ZBTB20: variants seen among roughly 807,000 people sequenced by gnomAD.
ZBTB20 encodes the protein zinc finger and BTB domain-containing protein 20.
ZBTB20 carries 9 observed loss-of-function variants against 56.9 expected under a neutral mutation model. That is an observed-to-expected ratio of 0.16 (90% CI 0.10 to 0.28). ZBTB20 has a LOEUF of 0.28. ZBTB20 is among the 10% of genes least tolerant of loss of function. The pLI is 1.00. For missense variants in ZBTB20, 655 were observed against 1,003.0 expected (o/e 0.65, Z 4.69); for synonymous variants, 417 against 420.7 (o/e 0.99, Z 0.11).
At chr3:114,372,010 G>A (rs1163054917) in intron 10 of ZBTB20, among the ~76,000 whole-genome samples, 1 of 151,928 alleles carries the variant, frequency 6.6e-6, no homozygotes, top group Admixed American at 6.5e-5. Context: ...GGAAAGATCC[G>A]ACTTGAAATT....
chr3:114,448,596 C>T (rs954300352), intron 7 of ZBTB20, among the ~76,000 whole-genome samples: 4 of 151,974 alleles, frequency 2.6e-5, no homozygotes, highest in Non-Finnish European at 5.9e-5. Flanking sequence ...AAAAGATGGC[C>T]ATACTCTTTC....
At chr3:114,745,183 C>G (rs1337744054) in intron 5 of ZBTB20, among the ~76,000 whole-genome samples, 2 of 152,106 alleles carry the variant, frequency 1.3e-5, no homozygotes, top group African/African-American at 2.4e-5. Flanking sequence ...AGTAGGATTT[C>G]GTTGTTTGTT....
intron 4 of ZBTB20, chr3:114,874,134 TTC>T (rs2076108437): frequency 6.6e-6 from 1 of 152,162 alleles, no homozygotes; most frequent in Non-Finnish European, 1.5e-5. Context: ...TAAATAAATA[TTC>T]TGTCAGGTTA....
intron 1 of ZBTB20, among the ~76,000 whole-genome samples, chr3:115,122,676 A>G (rs2084216854): frequency 6.6e-6 from 1 of 152,084 alleles, no homozygotes; most frequent in Non-Finnish European, 1.5e-5. Context: ...AAGACTTTCT[A>G]TATATTAATC....
chr3:114,350,221 C>T, intron 11 of ZBTB20, 53 bp downstream of exon 11: 2 of 1,542,372 alleles, frequency 1.3e-6, no homozygotes, highest in Non-Finnish European at 1.8e-6. Flanking sequence ...ACCTTGCCTT[C>T]CCACAGCCCC....
At chr3:114,588,908 C>A (rs1180573837) in intron 6 of ZBTB20, among the ~76,000 whole-genome samples, 1 of 152,100 alleles carries the variant, frequency 6.6e-6, no homozygotes, top group Non-Finnish European at 1.5e-5. Flanking sequence ...GCTGGGGAAG[C>A]CTCAGGAAAC....
intron 6 of ZBTB20, among the ~76,000 whole-genome samples, chr3:114,520,319 A>AGG (rs1486987260): frequency 1.3e-5 from 2 of 152,206 alleles, no homozygotes; most frequent in Non-Finnish European, 2.9e-5. Flanking sequence ...GGGGGACGTC[A>AGG]TTAACAATGC....
At chr3:115,000,801 T>C (rs994408988) in intron 2 of ZBTB20, among the ~76,000 whole-genome samples, 2 of 151,502 alleles carry the variant, frequency 1.3e-5, no homozygotes, top group African/African-American at 2.4e-5. Flanking sequence ...AAAACCTCAT[T>C]ATATATTTTT....
intron 7 of ZBTB20, among the ~76,000 whole-genome samples, chr3:114,464,577 G>T (rs1385104596): frequency 3.3e-5 from 5 of 152,130 alleles, no homozygotes; most frequent in Non-Finnish European, 5.9e-5. Context: ...GCAAAGAAAA[G>T]ATATATTCTT....
At chr3:114,618,663 T>G (rs1192444834) in intron 6 of ZBTB20, among the ~76,000 whole-genome samples, 2 of 152,190 alleles carry the variant, frequency 1.3e-5, no homozygotes, top group Non-Finnish European at 2.9e-5. Flanking sequence ...CAGTACAGTC[T>G]GTGTACAGTA....
chr3:114,742,611 G>C (rs1355006379), intron 5 of ZBTB20, among the ~76,000 whole-genome samples: 1 of 152,132 alleles, frequency 6.6e-6, no homozygotes, highest in Non-Finnish European at 1.5e-5. Flanking sequence ...AGCTGACAGA[G>C]ATTAAATAAC....
intron 6 of ZBTB20, among the ~76,000 whole-genome samples, chr3:114,571,415 G>C (rs555206408): frequency 6.6e-6 from 1 of 152,254 alleles, no homozygotes; most frequent in South Asian, 2.1e-4. Context: ...AGATCATTAG[G>C]TCAAAGAACT....
Position 114,326,035 on chromosome 3 carries a change from T to C in ZBTB20, c.*12970A>G, listed in dbSNP as rs1456482824. The C allele has an allele frequency of 6.6e-6, 1 of 151,934 alleles. No homozygotes were observed. The highest frequency in any genetic ancestry group is 1.9e-4 in the East Asian group (1 of 5,186). The allele number at this position is 151,934 out of a possible 1,614,324, so 9.4% of individuals were successfully genotyped here. ...GGTGTGGGGAAGGAGAGAGAAGCAATGGGGAAACAGGTGTTTCTCTACTTA... is the reference window on the plus strand; with the variant it reads ...GGTGTGGGGAAGGAGAGAGAAGCAACGGGGAAACAGGTGTTTCTCTACTTA... On this transcript the variant is annotated 3_prime_UTR_variant, in exon 12 of 12. Coordinates refer to ENST00000675478, the MANE Select transcript of ZBTB20 (RefSeq NM_001348800.3).
intron 3 of ZBTB20, among the ~76,000 whole-genome samples, chr3:114,939,851 C>T (rs1390926324): frequency 6.8e-6 from 1 of 146,146 alleles, no homozygotes; most frequent in Non-Finnish European, 1.5e-5. Flanking sequence ...CTGGGTGACA[C>T]ACCAAGACCC....
chr3:114,680,482 C>G (rs2061903181), intron 6 of ZBTB20, among the ~76,000 whole-genome samples: 1 of 152,046 alleles, frequency 6.6e-6, no homozygotes, highest in Non-Finnish European at 1.5e-5. Context: ...TACAAACAAA[C>G]AAACCAAAAA....
At chr3:114,771,424 A>G (rs2069188990) in intron 5 of ZBTB20, among the ~76,000 whole-genome samples, 1 of 152,158 alleles carries the variant, frequency 6.6e-6, no homozygotes, top group Non-Finnish European at 1.5e-5. Context: ...AAGTAAAAAA[A>G]ATAGTTAAAA....
intron 3 of ZBTB20, among the ~76,000 whole-genome samples, chr3:114,948,117 G>T (rs1379077067): frequency 6.9e-6 from 1 of 144,428 alleles, no homozygotes; most frequent in Non-Finnish European, 1.5e-5. Context: ...CATCAAGTAG[G>T]GTTTATTCTA....
At chr3:114,477,273 T>C (rs1217461463) in intron 7 of ZBTB20, among the ~76,000 whole-genome samples, 1 of 152,274 alleles carries the variant, frequency 6.6e-6, no homozygotes, top group East Asian at 1.9e-4. Flanking sequence ...CGAAGCATTT[T>C]CTATGTGGTT....
chr3:114,436,216 T>C (rs1350482390), intron 7 of ZBTB20, among the ~76,000 whole-genome samples: 1 of 151,268 alleles, frequency 6.6e-6, no homozygotes, highest in Admixed American at 6.6e-5. Flanking sequence ...TGTGCTGACA[T>C]TTTTTTTTGA....
Sources: gnomAD v4.1 joint callset for allele counts (sites outside exome capture counted in the v4.1 genomes callset) on GRCh38, gnomAD v4.1.1 for gene constraint, MANE v1.5 for transcripts, NCBI Gene and HGNC (gene_info 2026-07-23, HGNC 2026-07-21) for gene names.